SYN2: variants seen among roughly 807,000 people sequenced by gnomAD.
The protein encoded by SYN2 is synapsin-2.
SYN2 carries 19 observed loss-of-function variants against 50.9 expected under a neutral mutation model. The ratio of observed to expected loss-of-function variants is 0.37; its 90% CI spans 0.26 to 0.55. The LOEUF is 0.55. Among genes scored for constraint, SYN2 ranks in the 20% least tolerant of loss-of-function variants. The pLI is 0.81. For synonymous variants in SYN2, 255 were observed against 224.9 expected (o/e 1.13, Z -1.20); for missense variants, 587 against 576.4 (o/e 1.02, Z -0.19).
At chr3:12,096,392 G>A (rs1224749288) in intron 1 of SYN2, among the ~76,000 whole-genome samples, 9 of 152,254 alleles carry the variant, frequency 5.9e-5, no homozygotes, top group African/African-American at 1.9e-4. Flanking sequence ...GGGTGGCTTA[G>A]AAGAGAACCC....
chr3:12,049,019 G>T (rs1694800156), intron 1 of SYN2, among the ~76,000 whole-genome samples: 1 of 152,202 alleles, frequency 6.6e-6, no homozygotes, highest in Non-Finnish European at 1.5e-5. Flanking sequence ...GAATATGTAG[G>T]TGAGATGTGA....
chr3:12,111,359 C>T (rs778644213), intron 1 of SYN2, among the ~76,000 whole-genome samples: 3 of 152,102 alleles, frequency 2.0e-5, no homozygotes, highest in African/African-American at 7.2e-5. Context: ...TACCCAGTCT[C>T]GGGTATGTCT....
At chr3:12,088,760 C>T (rs775391468) in intron 1 of SYN2, among the ~76,000 whole-genome samples, 14 of 152,080 alleles carry the variant, frequency 9.2e-5, no homozygotes, top group East Asian at 5.8e-4. Context: ...ACCTGGAGGA[C>T]GCTGTGTTAT....
At chr3:12,065,287 C>G (rs1695192154) in intron 1 of SYN2, among the ~76,000 whole-genome samples, 1 of 152,118 alleles carries the variant, frequency 6.6e-6, no homozygotes, top group Non-Finnish European at 1.5e-5. Flanking sequence ...CCGTGGAAAA[C>G]AGTTTGGAGA....
chr3:12,115,723 G>A (rs1696419006), intron 1 of SYN2, among the ~76,000 whole-genome samples: 1 of 152,058 alleles, frequency 6.6e-6, no homozygotes, highest in Non-Finnish European at 1.5e-5. Flanking sequence ...TTACATTAGG[G>A]TAAAAGATTA....
intron 1 of SYN2, among the ~76,000 whole-genome samples, chr3:12,046,377 TAAAG>T (rs1694738806): frequency 6.6e-6 from 1 of 152,068 alleles, no homozygotes; most frequent in South Asian, 2.1e-4. Context: ...ATAGTTAGTT[TAAAG>T]AAAGACATTT....
intron 1 of SYN2, among the ~76,000 whole-genome samples, chr3:12,072,682 CA>C (rs1443568363): frequency 6.6e-6 from 1 of 152,066 alleles, no homozygotes; most frequent in African/African-American, 2.4e-5. Context: ...TTTTAGCTTC[CA>C]AGAGCTCTTT....
intron 10 of SYN2, among the ~76,000 whole-genome samples, 154 bp downstream of exon 10, chr3:12,170,060 C>T (rs2125244115): frequency 6.6e-6 from 1 of 152,308 alleles, no homozygotes; most frequent in Non-Finnish European, 1.5e-5. Flanking sequence ...CTTCCCTTTA[C>T]CCTGGAGTCC....
At chr3:12,182,795 C>T (rs899078150) in intron 10 of SYN2, among the ~76,000 whole-genome samples, 1 of 152,244 alleles carries the variant, frequency 6.6e-6, no homozygotes, top group African/African-American at 2.4e-5. Flanking sequence ...AGGCTAGTCA[C>T]TAGGTCCGGC....
At chr3:12,030,199 GA>G (rs1442220290) in intron 1 of SYN2, among the ~76,000 whole-genome samples, 2 of 116,736 alleles carry the variant, frequency 1.7e-5, no homozygotes, top group Non-Finnish European at 3.7e-5. Context: ...TGCGTATATT[GA>G]ACCAGCCTCG....
intron 1 of SYN2, among the ~76,000 whole-genome samples, chr3:12,110,465 A>G (rs1696286795): frequency 6.6e-6 from 1 of 152,098 alleles, no homozygotes; most frequent in African/African-American, 2.4e-5. Flanking sequence ...TCACAGCTCC[A>G]CTAGGTGATG....
intron 5 of SYN2, chr3:12,153,840 T>G: frequency 1.0e-6 from 1 of 984,914 alleles, no homozygotes; most frequent in Non-Finnish European, 1.5e-6. Context: ...CCTTTCCCAG[T>G]CCCCAGTCTT....
At chr3:12,063,463 A>T (rs1041607939) in intron 1 of SYN2, among the ~76,000 whole-genome samples, 2 of 152,044 alleles carry the variant, frequency 1.3e-5, no homozygotes, top group African/African-American at 4.8e-5. Flanking sequence ...AATGCTATAC[A>T]TGTATACTGA....
At chr3:12,079,610 A>G (rs1269902480) in intron 1 of SYN2, among the ~76,000 whole-genome samples, 1 of 152,094 alleles carries the variant, frequency 6.6e-6, no homozygotes, top group East Asian at 1.9e-4. Context: ...ACATTTACTG[A>G]TTTGTGTATG....
At chr3:12,005,534 A>G (rs1693782752) in intron 1 of SYN2, among the ~76,000 whole-genome samples, 1 of 151,502 alleles carries the variant, frequency 6.6e-6, no homozygotes, top group Non-Finnish European at 1.5e-5. Flanking sequence ...TATGAATAAT[A>G]AAATTGTTGT....
intron 1 of SYN2, among the ~76,000 whole-genome samples, chr3:12,050,148 G>A (rs1694824283): frequency 6.6e-6 from 1 of 152,022 alleles, no homozygotes; most frequent in African/African-American, 2.4e-5. Context: ...CGATTCACCC[G>A]CCTCGGCCTC....
chr3:12,091,907 A>C, intron 1 of SYN2, among the ~76,000 whole-genome samples: 1 of 152,174 alleles, frequency 6.6e-6, no homozygotes, highest in Non-Finnish European at 1.5e-5. Context: ...ATGAATGTTA[A>C]ATCTTCTAAT....
At chr3:12,184,696 C>T (rs1698302685) in intron 11 of SYN2, 4 of 985,756 alleles carry the variant, frequency 4.1e-6, no homozygotes, top group South Asian at 9.4e-5. Flanking sequence ...CTTGAGGAAT[C>T]CTCACCAGTT....
At chr3:12,022,396 GTTA>G (rs201890521) in intron 1 of SYN2, among the ~76,000 whole-genome samples, 4 of 151,284 alleles carry the variant, frequency 2.6e-5, no homozygotes, top group East Asian at 1.9e-4. Context: ...CCTCTAGGAA[GTTA>G]TTATTATTAT....
Sources: allele counts gnomAD v4.1 joint callset (sites outside exome capture counted in the v4.1 genomes callset), GRCh38; gene constraint gnomAD v4.1.1; transcripts MANE v1.5; gene names NCBI Gene and HGNC (gene_info 2026-07-23, HGNC 2026-07-21).